Variants in ATXN8OS observed in about 807,000 individuals in gnomAD.
The protein encoded by ATXN8OS is ATXN8 opposite strand (non-protein coding).
chr13:70,150,706 G>A (rs1272501143), intron 4 of ATXN8OS, among the ~76,000 whole-genome samples: 1 of 152,088 alleles, frequency 6.6e-6, no homozygotes, highest in Non-Finnish European at 1.5e-5. Context: ...CCTCTAGGAA[G>A]TATTTAGTGA....
At chr13:70,139,273 A>T (rs1252792914) in intron 3 of ATXN8OS, 3 of 476,470 alleles carry the variant, frequency 6.3e-6, no homozygotes, top group Non-Finnish European at 7.4e-6. Context: ...TTCCACGGAG[A>T]GATTAACTCT....
intron 4 of ATXN8OS, among the ~76,000 whole-genome samples, chr13:70,165,597 C>T (rs907012595): frequency 2.0e-5 from 3 of 151,876 alleles, no homozygotes; most frequent in African/African-American, 7.3e-5. Context: ...GAATAATTAT[C>T]TGCGTATCCA....
chr13:70,146,118 C>A (rs1217920971), intron 3 of ATXN8OS, among the ~76,000 whole-genome samples: 1 of 147,988 alleles, frequency 6.8e-6, no homozygotes, highest in Non-Finnish European at 1.5e-5. Flanking sequence ...TGAACAGACA[C>A]TTCTCAAAAG....
rs562341406 is a variant in ATXN8OS at position 70,123,034 on chromosome 13, C to G, written n.399-6750C>G. On this transcript the variant is annotated intron_variant and non_coding_transcript_variant, in intron 2 of 4. Coordinates refer to ENST00000678624, the Ensembl canonical transcript of ATXN8OS. ...AAAATAAATTAAATATATATTTTATCATAAGGTTCAACATATAGAAGTTAC... is the reference window on the plus strand; with the variant it reads ...AAAATAAATTAAATATATATTTTATGATAAGGTTCAACATATAGAAGTTAC... 1.1e-4 allele frequency among the ~76,000 whole-genome samples: 17 copies of G among 152,042 alleles called. No homozygotes were observed. The East Asian group carries it at 3.3e-3, about 29-fold the overall frequency.
chr13:70,165,759 T>C (rs1369622373), intron 4 of ATXN8OS, among the ~76,000 whole-genome samples: 1 of 151,948 alleles, frequency 6.6e-6, no homozygotes, highest in Non-Finnish European at 1.5e-5. Flanking sequence ...TAACCAAAAC[T>C]TCATTCAACT....
chr13:70,152,989 GAGTT>G lies in ATXN8OS; in HGVS notation n.573+5564_573+5567del, dbSNP rs143338483. 1.6e-3 allele frequency among the ~76,000 whole-genome samples: 237 copies of G among 149,324 alleles called. 1 individual carries two copies. The highest frequency in any genetic ancestry group is 5.6e-3 in the African/African-American group (228 of 40,494). On this transcript the variant is annotated intron_variant and non_coding_transcript_variant, in intron 4 of 4. Transcript: ENST00000678624. ...AGAAGTCAAAAGAAGGAGAAATAGA[GAGTT>G]AGAGAATGAATAAGAAAAAACTGTG... is the stretch of plus-strand genomic sequence containing the variant.
intron 3 of ATXN8OS, among the ~76,000 whole-genome samples, chr13:70,140,956 G>T (rs1888706267): frequency 6.6e-6 from 1 of 152,016 alleles, no homozygotes; most frequent in Non-Finnish European, 1.5e-5. Context: ...GTATGTGTTG[G>T]GATTAGTGAT....
intron 4 of ATXN8OS, among the ~76,000 whole-genome samples, chr13:70,164,405 T>C (rs1331626244): frequency 1.3e-5 from 2 of 151,674 alleles, no homozygotes; most frequent in Admixed American, 6.6e-5. Context: ...ACCGTGAGGA[T>C]GAAAATAAAA....
intron 3 of ATXN8OS, among the ~76,000 whole-genome samples, chr13:70,136,347 C>T (rs1888613835): frequency 6.6e-6 from 1 of 152,108 alleles, no homozygotes. Context: ...AATACAAGAA[C>T]AGTCTTCCAA....
intron 4 of ATXN8OS, among the ~76,000 whole-genome samples, chr13:70,156,548 T>C (rs752703305): frequency 3.3e-4 from 50 of 152,180 alleles, no homozygotes; most frequent in Non-Finnish European, 5.7e-4. Context: ...TCTGAGAAGA[T>C]AAATTCCTAA....
At chr13:70,123,756 G>A (rs1888392210) in intron 2 of ATXN8OS, among the ~76,000 whole-genome samples, 1 of 152,052 alleles carries the variant, frequency 6.6e-6, no homozygotes, top group Non-Finnish European at 1.5e-5. Context: ...TTTGTACACA[G>A]AAAATTCTCA....
chr13:70,168,877 T>C (rs993968720), intron 4 of ATXN8OS, among the ~76,000 whole-genome samples: 1 of 152,172 alleles, frequency 6.6e-6, no homozygotes, highest in Admixed American at 6.6e-5. Context: ...TTTGTTAGTA[T>C]GGATTTATTT....
chr13:70,114,619 C>T (rs568155097), intron 1 of ATXN8OS, among the ~76,000 whole-genome samples: 7 of 151,958 alleles, frequency 4.6e-5, no homozygotes, highest in Admixed American at 1.3e-4. Flanking sequence ...TTTTCTTCAA[C>T]GGTTATGTAT....
intron 3 of ATXN8OS, among the ~76,000 whole-genome samples, chr13:70,135,845 A>G (rs568952537): frequency 6.6e-6 from 1 of 152,224 alleles, no homozygotes; most frequent in African/African-American, 2.4e-5. Flanking sequence ...TATCTAAAAA[A>G]CAAAACAAAA....
intron 4 of ATXN8OS, among the ~76,000 whole-genome samples, chr13:70,160,333 T>A (rs987215800): frequency 2.0e-5 from 3 of 152,160 alleles, no homozygotes; most frequent in African/African-American, 7.2e-5. Flanking sequence ...TTATAATGTG[T>A]AGAATCTAAT....
At chr13:70,148,986 A>C (rs1353437652) in intron 4 of ATXN8OS, among the ~76,000 whole-genome samples, 1 of 152,164 alleles carries the variant, frequency 6.6e-6, no homozygotes, top group Non-Finnish European at 1.5e-5. Flanking sequence ...AATCTCAACT[A>C]ATAAAAGAAT....
chr13:70,170,428 G>T (rs1047897857), exon 5 of ATXN8OS, among the ~76,000 whole-genome samples: 4 of 152,078 alleles, frequency 2.6e-5, no homozygotes, highest in Admixed American at 2.0e-4. Context: ...TAAGAATTTC[G>T]CCACTGGAGC....
intron 3 of ATXN8OS, among the ~76,000 whole-genome samples, chr13:70,133,673 T>C (rs1379946820): frequency 1.3e-5 from 2 of 151,948 alleles, no homozygotes; most frequent in East Asian, 1.9e-4. Flanking sequence ...CTTGAAAAAA[T>C]ACAGACATAG....
intron 3 of ATXN8OS, among the ~76,000 whole-genome samples, chr13:70,133,731 G>C (rs1002491648): frequency 1.3e-5 from 2 of 152,134 alleles, no homozygotes; most frequent in Admixed American, 6.6e-5. Flanking sequence ...AATGCTTGGG[G>C]CTCCCAGCCG....
Sources: allele counts gnomAD v4.1 joint callset (sites outside exome capture counted in the v4.1 genomes callset), GRCh38; gene constraint gnomAD v4.1.1; transcripts MANE v1.5; gene names NCBI Gene and HGNC (gene_info 2026-07-23, HGNC 2026-07-21).